The following BLTP2 variants were observed in gnomAD, a reference collection of about 807,000 sequenced individuals.
BLTP2 encodes U937-associated antigen.
At chr17:28,641,108 C>A in the BLTP2 span, among the ~76,000 whole-genome samples, 1 of 152,170 alleles carries the variant, frequency 6.6e-6, no homozygotes, top group African/African-American at 2.4e-5. Context: ...CTGCAGATAC[C>A]AAAGTCCGCA....
the BLTP2 span, chr17:28,642,973 A>G: frequency 5.1e-5 from 81 of 1,593,804 alleles, no homozygotes; most frequent in Non-Finnish European, 6.7e-5. Context: ...TAGCATCTAC[A>G]TGAATGGAGA....
At chr17:28,637,442 A>C in the BLTP2 span, among the ~76,000 whole-genome samples, 2 of 152,220 alleles carry the variant, frequency 1.3e-5, no homozygotes, top group African/African-American at 2.4e-5. Flanking sequence ...AGTTATATGG[A>C]TCTCTCTTGA....
the BLTP2 span, chr17:28,623,826 G>A: frequency 1.2e-6 from 2 of 1,614,078 alleles, no homozygotes; most frequent in Non-Finnish European, 1.7e-6. Context: ...AGTACTGCAT[G>A]CCATCCAAGA....
chr17:28,632,671 A>C, the BLTP2 span, among the ~76,000 whole-genome samples: 1 of 151,984 alleles, frequency 6.6e-6, no homozygotes, highest in Non-Finnish European at 1.5e-5. Context: ...GCTCTTTTTG[A>C]TCTTCGACTT....
chr17:28,631,736 G>A, the BLTP2 span: 2 of 1,603,758 alleles, frequency 1.2e-6, no homozygotes, highest in South Asian at 2.2e-5. Context: ...GATAGTGTAA[G>A]ACAGAGATGG....
chr17:28,635,411 T>G, the BLTP2 span: 14 of 1,613,984 alleles, frequency 8.7e-6, no homozygotes, highest in South Asian at 1.5e-4. Context: ...AGCAGCCGCT[T>G]TGGGGGTAAT....
the BLTP2 span, chr17:28,644,888 G>A: frequency 3.6e-6 from 3 of 825,700 alleles, no homozygotes; most frequent in South Asian, 1.6e-5. Context: ...TGCCTCACGC[G>A]CCTCAGTAAG....
At chr17:28,628,305 A>C in the BLTP2 span, 1 of 1,614,026 alleles carries the variant, frequency 6.2e-7, no homozygotes, top group Admixed American at 1.7e-5. Flanking sequence ...TGAAGCTGGG[A>C]GTGTTAACAC....
the BLTP2 span, chr17:28,643,915 T>C: frequency 8.7e-7 from 1 of 1,143,336 alleles, no homozygotes; most frequent in East Asian, 2.4e-5. Flanking sequence ...CAACTAGCTC[T>C]AAGATCATCT....
At chr17:28,627,002 C>T in the BLTP2 span, among the ~76,000 whole-genome samples, 2 of 152,112 alleles carry the variant, frequency 1.3e-5, no homozygotes, top group African/African-American at 2.4e-5. Flanking sequence ...GAGACTGAGT[C>T]GTCAACCTTT....
At chr17:28,625,482 CTGTT>C in the BLTP2 span, among the ~76,000 whole-genome samples, 4 of 151,980 alleles carry the variant, frequency 2.6e-5, no homozygotes, top group Non-Finnish European at 5.9e-5. Context: ...TAATTTCCAG[CTGTT>C]TGTTAGACAT....
the BLTP2 span, chr17:28,634,192 C>T: frequency 1.0e-6 from 1 of 1,003,952 alleles, no homozygotes; most frequent in Non-Finnish European, 1.4e-6. Flanking sequence ...TTTACAAAGT[C>T]AATTGAGAGA....
chr17:28,619,797 TGA>T, the BLTP2 span: 5 of 1,614,000 alleles, frequency 3.1e-6, no homozygotes, highest in Middle Eastern at 1.7e-4. Flanking sequence ...GGATAGAAAC[TGA>T]GAGACCGCCC....
At chr17:28,631,233 GCT>G in the BLTP2 span, among the ~76,000 whole-genome samples, 1 of 152,148 alleles carries the variant, frequency 6.6e-6, no homozygotes, top group Non-Finnish European at 1.5e-5. Flanking sequence ...GCACACTTGT[GCT>G]CTCTCTCCCT....
chr17:28,626,275 C>G, the BLTP2 span, among the ~76,000 whole-genome samples: 35 of 152,336 alleles, frequency 2.3e-4, no homozygotes, highest in Admixed American at 1.3e-3. Context: ...TATGAAAGGT[C>G]TTTGATGATC....
chr17:28,617,134 C>T, the BLTP2 span: 58 of 1,224,604 alleles, frequency 4.7e-5, no homozygotes, highest in Admixed American at 5.5e-5. Context: ...CTCAGATCAC[C>T]ACATTGTTTT....
chr17:28,632,920 C>A, the BLTP2 span: 14 of 1,490,020 alleles, frequency 9.4e-6, no homozygotes, highest in Non-Finnish European at 1.3e-5. Context: ...TTCCTCCCCA[C>A]TGCCCCAGGC....
At chr17:28,623,229 T>G in the BLTP2 span, among the ~76,000 whole-genome samples, 1 of 152,234 alleles carries the variant, frequency 6.6e-6, no homozygotes, top group African/African-American at 2.4e-5. Flanking sequence ...TCAACAATCT[T>G]GTGAGGGTGA....
chr17:28,629,694 G>C, the BLTP2 span, among the ~76,000 whole-genome samples: 1 of 152,136 alleles, frequency 6.6e-6, no homozygotes, highest in Non-Finnish European at 1.5e-5. Flanking sequence ...GGCCAGGCTG[G>C]TCTCAAACTC....
Sources: gnomAD v4.1 joint callset for allele counts (sites outside exome capture counted in the v4.1 genomes callset) on GRCh38, gnomAD v4.1.1 for gene constraint, MANE v1.5 for transcripts, NCBI Gene and HGNC (gene_info 2026-07-23, HGNC 2026-07-21) for gene names.